AP1S3: variants seen among roughly 807,000 people sequenced by gnomAD.
The protein encoded by AP1S3 is AP-1 complex subunit sigma-3.
Under a neutral mutation model 20.9 loss-of-function variants are expected in AP1S3, and 10 were observed. The ratio of observed to expected loss-of-function variants is 0.48; its 90% CI spans 0.29 to 0.81. The LOEUF is 0.81. Ranked by LOEUF, AP1S3 falls within the 30% of genes least tolerant of loss-of-function variation. The pLI, the probability that AP1S3 is intolerant of heterozygous loss-of-function variation, is 0.08. For missense variants in AP1S3, 154 were observed against 183.8 expected, an observed-to-expected ratio of 0.84 and a Z score of 0.94; for synonymous variants, 41 against 61.5, an observed-to-expected ratio of 0.67 and a Z score of 1.56.
At chr2:223,780,630 T>G (rs1690923053) in intron 1 of AP1S3, among the ~76,000 whole-genome samples, 1 of 151,060 alleles carries the variant, frequency 6.6e-6, no homozygotes, top group Admixed American at 6.6e-5. Context: ...GAGGTCTCCC[T>G]ATGTTGCCCA....
intron 1 of AP1S3, among the ~76,000 whole-genome samples, chr2:223,780,328 G>C (rs1209365270): frequency 1.8e-5 from 2 of 113,642 alleles, no homozygotes; most frequent in East Asian, 2.7e-4. Flanking sequence ...GAGAGAGAGA[G>C]AGAGAGAGAG....
chr2:223,818,407 A>C, intron 1 of AP1S3, among the ~76,000 whole-genome samples: 1 of 138,440 alleles, frequency 7.2e-6, no homozygotes, highest in South Asian at 2.5e-4. Flanking sequence ...ACAGAGGGAG[A>C]GTGAGACTCC....
chr2:223,780,094 C>T (rs946695095), intron 1 of AP1S3, among the ~76,000 whole-genome samples: 2 of 151,664 alleles, frequency 1.3e-5, no homozygotes, highest in African/African-American at 4.8e-5. Context: ...TTACTCAGAT[C>T]TTCCACTAAC....
chr2:223,830,469 ACT>A (rs1230354378), intron 1 of AP1S3, among the ~76,000 whole-genome samples: 1 of 127,068 alleles, frequency 7.9e-6, no homozygotes, highest in Non-Finnish European at 1.6e-5. Context: ...ACAGAGTGAG[ACT>A]CTCTCTCAAA....
At chr2:223,794,286 C>T (rs956249056) in intron 1 of AP1S3, among the ~76,000 whole-genome samples, 9 of 152,058 alleles carry the variant, frequency 5.9e-5, no homozygotes, top group African/African-American at 2.2e-4. Context: ...CTATAACTAA[C>T]CCCTATAACA....
At chr2:223,798,665 T>C (rs2106108918) in intron 1 of AP1S3, among the ~76,000 whole-genome samples, 1 of 152,354 alleles carries the variant, frequency 6.6e-6, no homozygotes, top group South Asian at 2.1e-4. Flanking sequence ...GATAGACAGG[T>C]AGTTACACTG....
At chr2:223,789,833 A>C (rs1691170321) in intron 1 of AP1S3, among the ~76,000 whole-genome samples, 860 of 105,936 alleles carry the variant, frequency 8.1e-3, no homozygotes, top group African/African-American at 0.04. Flanking sequence ...ACAAGACTCT[A>C]TCAAAAAAAA....
intron 1 of AP1S3, among the ~76,000 whole-genome samples, chr2:223,782,778 T>C (rs1430352320): frequency 2.0e-5 from 3 of 152,148 alleles, no homozygotes; most frequent in Non-Finnish European, 4.4e-5. Context: ...CATGAGGCAG[T>C]GTTGGAAGAT....
chr2:223,806,083 C>T (rs1691572756), intron 1 of AP1S3, among the ~76,000 whole-genome samples: 1 of 152,094 alleles, frequency 6.6e-6, no homozygotes, highest in Non-Finnish European at 1.5e-5. Flanking sequence ...ACAAGAAAAA[C>T]TGCATACCTC....
chr2:223,834,455 T>C (rs1176853587), intron 1 of AP1S3, among the ~76,000 whole-genome samples: 1 of 152,082 alleles, frequency 6.6e-6, no homozygotes, highest in African/African-American at 2.4e-5. Context: ...CTGGGCATGA[T>C]GGCACACACC....
chr2:223,787,680 G>A (rs1042722907), intron 1 of AP1S3, among the ~76,000 whole-genome samples: 3 of 152,174 alleles, frequency 2.0e-5, no homozygotes, highest in Non-Finnish European at 2.9e-5. Context: ...TCTCCCTATC[G>A]AGTAACTGAC....
chr2:223,797,104 G>A (rs1472260233), intron 1 of AP1S3, among the ~76,000 whole-genome samples: 3 of 152,074 alleles, frequency 2.0e-5, no homozygotes, highest in Non-Finnish European at 2.9e-5. Flanking sequence ...CAGTTTCTAC[G>A]CACAGTCATA....
chr2:223,833,254 A>G (rs1396050695), intron 1 of AP1S3, among the ~76,000 whole-genome samples: 1 of 150,938 alleles, frequency 6.6e-6, no homozygotes, highest in African/African-American at 2.4e-5. Flanking sequence ...ACATACATAC[A>G]TACATACATA....
chr2:223,766,648 G>C (rs569612364), intron 3 of AP1S3, among the ~76,000 whole-genome samples: 1 of 152,322 alleles, frequency 6.6e-6, no homozygotes, highest in African/African-American at 2.4e-5. Flanking sequence ...ACAGTGTGGT[G>C]ATTCCTCAAG....
At chr2:223,765,106 C>A in intron 4 of AP1S3, 107 bp downstream of exon 4, 1 of 1,467,110 alleles carries the variant, frequency 6.8e-7, no homozygotes, top group Non-Finnish European at 9.1e-7. Context: ...AGAAACTGTA[C>A]CCAGCACAGA....
rs898265862 is a variant in AP1S3 at position 223,837,504 on chromosome 2, G to C, written c.-54C>G. 1 of 1,226,800 alleles carries C rather than the reference G, an allele frequency of 8.2e-7. No homozygotes were observed. The highest frequency in any genetic ancestry group is 1.0e-6 in the Non-Finnish European group (1 of 971,942). 76.0% of individuals were successfully genotyped at this position (1,226,800 alleles called of 1,614,324 possible). A position where few individuals can be genotyped will look rare whatever the true frequency, so the allele number is the denominator to read the frequency against. Reference sequence around the variant, plus strand: ...TGCGAGCAAGGAGCGCTGGAGAAGCGAGGGCGAGAGGCGAGCGCTGGAGCC... The same window carrying C: ...TGCGAGCAAGGAGCGCTGGAGAAGCCAGGGCGAGAGGCGAGCGCTGGAGCC... On this transcript the variant is annotated 5_prime_UTR_variant, in exon 1 of 5. Coordinates refer to ENST00000396654, the MANE Select transcript of AP1S3 (RefSeq NM_001039569.2).
chr2:223,762,334 G>A (rs1339817887), intron 4 of AP1S3, among the ~76,000 whole-genome samples: 1 of 124,374 alleles, frequency 8.0e-6, no homozygotes, highest in African/African-American at 3.7e-5. Flanking sequence ...GTGCAGTGGT[G>A]GAATCTCGGC....
chr2:223,780,349 AGAGAGAGAGTGTGTGTGT>A (rs1690910467), intron 1 of AP1S3, among the ~76,000 whole-genome samples: 2 of 69,790 alleles, frequency 2.9e-5, no homozygotes, highest in African/African-American at 1.3e-4. Context: ...AGAGAGAGAG[AGAGAGAGAGTGTGTGTGT>A]GTGTGTGTGT....
At chr2:223,829,736 C>T (rs1692214966) in intron 1 of AP1S3, among the ~76,000 whole-genome samples, 1 of 151,910 alleles carries the variant, frequency 6.6e-6, no homozygotes, top group African/African-American at 2.4e-5. Context: ...ACTTGGGAGA[C>T]TGAGGCAGGA....
Sources: allele counts gnomAD v4.1 joint callset (sites outside exome capture counted in the v4.1 genomes callset), GRCh38; gene constraint gnomAD v4.1.1; transcripts MANE v1.5; gene names NCBI Gene and HGNC (gene_info 2026-07-23, HGNC 2026-07-21).